Variants in MLLT3 observed in about 807,000 individuals in gnomAD.
MLLT3 encodes the protein MLLT3 super elongation complex subunit.
A neutral mutation model predicts 53.2 loss-of-function variants in MLLT3; 4 were observed. The ratio of observed to expected loss-of-function variants is 0.08; its 90% CI spans 0.04 to 0.17. MLLT3 has a LOEUF of 0.17. MLLT3 is among the 10% of genes least tolerant of loss of function. MLLT3 has a pLI of 1.00. For synonymous variants in MLLT3, 283 were observed against 230.6 expected, an observed-to-expected ratio of 1.23 and a Z score of -2.06; for missense variants, 569 against 684.0, an observed-to-expected ratio of 0.83 and a Z score of 1.87.
chr9:20,491,030 T>A (rs1824935378), intron 2 of MLLT3, among the ~76,000 whole-genome samples: 1 of 152,158 alleles, frequency 6.6e-6, no homozygotes, highest in African/African-American at 2.4e-5. Flanking sequence ...CAGAAAACTT[T>A]AAATGGTTTA....
At position 20,354,832 on chromosome 9, in the gene MLLT3, T is replaced by A; in HGVS notation, c.1479A>T (p.Gln493His). Residue 493 changes from glutamine to histidine, a missense_variant, in exon 9 of 11, where the codon CAA (glutamine) becomes CAT (histidine). This residue lies in a region of MLLT3 where 437 missense variants were observed against 376.5 expected (regional missense o/e 1.16). Transcript: ENST00000380338. Reference protein sequence around the residue: ...SPIKQSKSDKQIKNGECDKAY... With the variant: ...SPIKQSKSDKHIKNGECDKAY... ...CCTTGTCACATTCACCATTCTTTAT[T>A]TGCTTATCTGATTTGCTTTGCTTTA... 1 of 1,612,528 alleles carries A rather than the reference T, an allele frequency of 6.2e-7. No individual in the cohort carries two copies. Among genetic ancestry groups the A allele is most frequent in the Non-Finnish European group, 8.5e-7 (1 of 1,178,724 alleles).
At chr9:20,581,919 C>G (rs1345260009) in intron 2 of MLLT3, among the ~76,000 whole-genome samples, 2 of 152,264 alleles carry the variant, frequency 1.3e-5, no homozygotes, top group East Asian at 3.9e-4. Context: ...AACCTTTTCT[C>G]TCCTATTTTT....
intron 5 of MLLT3, among the ~76,000 whole-genome samples, chr9:20,412,876 G>T (rs1026935446): frequency 1.3e-5 from 2 of 152,210 alleles, no homozygotes; most frequent in African/African-American, 2.4e-5. Flanking sequence ...CACTAGAAGT[G>T]TAAGGTTTAC....
intron 5 of MLLT3, chr9:20,411,877 C>T (rs1822737295): frequency 6.6e-6 from 1 of 152,112 alleles, no homozygotes; most frequent in Admixed American, 6.6e-5. Context: ...TTTATGAACG[C>T]CATTTGGTCT....
At chr9:20,363,706 A>G in intron 6 of MLLT3, 101 bp from the exon 7 acceptor site, 1 of 1,062,240 alleles carries the variant, frequency 9.4e-7, no homozygotes, top group Non-Finnish European at 1.3e-6. Flanking sequence ...ACACTGGTTA[A>G]AAATAATCAT....
intron 2 of MLLT3, among the ~76,000 whole-genome samples, chr9:20,561,231 C>G (rs914737545): frequency 6.6e-6 from 1 of 152,072 alleles, no homozygotes; most frequent in South Asian, 2.1e-4. Flanking sequence ...AAATTATATA[C>G]ACTGAGACCA....
chr9:20,365,816 T>C, intron 5 of MLLT3, 72 bp from the exon 6 acceptor site: 1 of 1,510,616 alleles, frequency 6.6e-7, no homozygotes, highest in East Asian at 2.3e-5. Context: ...GAAAACAGTA[T>C]TGTTGCTCAA....
chr9:20,541,121 C>G (rs889294825), intron 2 of MLLT3, among the ~76,000 whole-genome samples: 1 of 152,166 alleles, frequency 6.6e-6, no homozygotes, highest in Non-Finnish European at 1.5e-5. Flanking sequence ...ACTCCAGTTC[C>G]CAATAAGTTC....
intron 2 of MLLT3, among the ~76,000 whole-genome samples, chr9:20,558,384 G>A (rs1819116075): frequency 6.6e-6 from 1 of 152,060 alleles, no homozygotes; most frequent in Admixed American, 6.6e-5. Flanking sequence ...CTGCCTGCCT[G>A]CCTGCCTCAG....
intron 5 of MLLT3, among the ~76,000 whole-genome samples, chr9:20,406,022 G>A (rs567036479): frequency 6.6e-6 from 1 of 152,206 alleles, no homozygotes; most frequent in Admixed American, 6.5e-5. Flanking sequence ...TGAGGCAGCA[G>A]AATCGCTTGA....
intron 4 of MLLT3, among the ~76,000 whole-genome samples, chr9:20,427,706 C>A (rs1252347031): frequency 6.6e-6 from 1 of 151,706 alleles, no homozygotes; most frequent in Non-Finnish European, 1.5e-5. Context: ...AACAAGAGAT[C>A]ATGTATTAAA....
intron 4 of MLLT3, among the ~76,000 whole-genome samples, chr9:20,421,541 A>T (rs1256880252): frequency 6.6e-6 from 1 of 152,174 alleles, no homozygotes; most frequent in East Asian, 1.9e-4. Flanking sequence ...AAGAAAGTAA[A>T]AGAAACAAGT....
chr9:20,572,904 A>G (rs2131165773), intron 2 of MLLT3, among the ~76,000 whole-genome samples: 1 of 152,374 alleles, frequency 6.6e-6, no homozygotes, highest in African/African-American at 2.4e-5. Flanking sequence ...AAAGAAAACT[A>G]AAATTAGAAA....
intron 2 of MLLT3, among the ~76,000 whole-genome samples, chr9:20,549,429 A>C (rs887590865): frequency 6.6e-6 from 1 of 152,058 alleles, no homozygotes; most frequent in African/African-American, 2.4e-5. Context: ...TAATATTAGT[A>C]GTAATAATAA....
chr9:20,357,567 G>A (rs1191258789), intron 8 of MLLT3, among the ~76,000 whole-genome samples: 1 of 152,192 alleles, frequency 6.6e-6, no homozygotes, highest in African/African-American at 2.4e-5. Flanking sequence ...TGACAACTCA[G>A]TTATTCACAG....
At chr9:20,362,705 G>GTTTT (rs1563936918) in intron 7 of MLLT3, 12 of 92,718 alleles carry the variant, frequency 1.3e-4, no homozygotes, top group African/African-American at 1.1e-3. Context: ...GGTTAAGACC[G>GTTTT]CTTTTTTTTT....
chr9:20,535,036 G>T (rs931965701), intron 2 of MLLT3, among the ~76,000 whole-genome samples: 47 of 152,158 alleles, frequency 3.1e-4, no homozygotes, highest in African/African-American at 1.1e-3. Context: ...TATAGCAGGG[G>T]TCCCCAACTC....
chr9:20,493,519 C>A (rs1825005535), intron 2 of MLLT3, among the ~76,000 whole-genome samples: 1 of 151,950 alleles, frequency 6.6e-6, no homozygotes, highest in Non-Finnish European at 1.5e-5. Flanking sequence ...TTCTGGCAAG[C>A]TATCTTAAAG....
Position 20,343,513 on chromosome 9 carries a change from G to A in MLLT3, c.*2930C>T, listed in dbSNP as rs1051685620. ...TGCTAACATGACTGTTACATCCGAA[G>A]ACAGAAGGAACCCCAAACCCACCAA... On this transcript the variant is annotated 3_prime_UTR_variant, in exon 11 of 11. Transcript: ENST00000380338. 2 of 228,480 alleles carry A rather than the reference G, an allele frequency of 8.8e-6. No homozygotes were observed. The highest frequency in any genetic ancestry group is 4.4e-5 in the African/African-American group (2 of 45,010). The allele number at this position is 228,480 out of a possible 1,614,324, so 14.2% of individuals were successfully genotyped here.
Sources: gnomAD v4.1 joint callset for allele counts (sites outside exome capture counted in the v4.1 genomes callset) on GRCh38, gnomAD v4.1.1 for gene constraint, gnomAD v4.1.1 regional missense constraint, MANE v1.5 for transcripts, NCBI Gene and HGNC (gene_info 2026-07-23, HGNC 2026-07-21) for gene names.